Variants in OTOGL observed in about 807,000 individuals in gnomAD.
OTOGL encodes otogelin-like protein.
Under a neutral mutation model 318.5 loss-of-function variants are expected in OTOGL, and 285 were observed. The observed-to-expected ratio is 0.89, with a 90% CI of 0.81 to 0.99. The LOEUF (loss-of-function observed/expected upper bound fraction) is 0.99. OTOGL is among the 50% of genes least tolerant of loss of function. OTOGL has a pLI of 0.00. For synonymous variants in OTOGL, 987 were observed against 936.5 expected, an observed-to-expected ratio of 1.05 and a Z score of -0.99; for missense variants, 2,899 against 2,845.6, an observed-to-expected ratio of 1.02 and a Z score of -0.43.
intron 44 of OTOGL, among the ~76,000 whole-genome samples, chr12:80,349,125 C>T (rs373730713): frequency 8.6e-5 from 13 of 151,568 alleles, no homozygotes; most frequent in East Asian, 3.9e-4. Context: ...CAGATTAAAT[C>T]GTGTGCATCA....
intron 1 of OTOGL, among the ~76,000 whole-genome samples, chr12:80,147,942 T>C (rs896013995): frequency 8.5e-4 from 130 of 152,310 alleles, no homozygotes; most frequent in Non-Finnish European, 1.6e-3. Flanking sequence ...TTTGAGCCTA[T>C]GTGTGTCTCT....
At chr12:80,219,606 C>G (rs868491011) in intron 5 of OTOGL, among the ~76,000 whole-genome samples, 6 of 152,290 alleles carry the variant, frequency 3.9e-5, no homozygotes, top group Middle Eastern at 3.4e-3. Context: ...GATGTGAAAG[C>G]CTGCCTTTCT....
Position 80,237,521 on chromosome 12 carries a change from A to G in OTOGL, c.818-1330A>G, listed in dbSNP as rs146596438. ...AGGAAAGAGTGGTTTTGAAGGAGGAAGAACAAGAGCAAGTGTTCTGAGGTG... is the reference window on the plus strand; with the variant it reads ...AGGAAAGAGTGGTTTTGAAGGAGGAGGAACAAGAGCAAGTGTTCTGAGGTG... On this transcript the variant is annotated intron_variant, in intron 9 of 58. Coordinates refer to ENST00000547103, the MANE Select transcript of OTOGL (RefSeq NM_001378609.3). Among the ~76,000 whole-genome samples, 544 of 152,068 alleles carry G rather than the reference A, an allele frequency of 3.6e-3. 4 individuals carry two copies. The highest frequency in any genetic ancestry group is 0.013 in the African/African-American group (525 of 41,504).
rs1489542589 is a variant in OTOGL, at chr12:80,153,503, C to T, written c.-20+53898C>T. ...TAGCCTCTCTCATTATCAACATCCC[C>T]CACCAGAGTGGCACATTTGTTAAAA... is the stretch of plus-strand genomic sequence containing the variant. On this transcript the variant is annotated intron_variant, in intron 1 of 58. Transcript: ENST00000547103. 3.9e-5 allele frequency among the ~76,000 whole-genome samples: 6 copies of T among 152,178 alleles called. No individual in the cohort carries two copies. The East Asian group carries it at 1.2e-3, about 29-fold the overall frequency.
chr12:80,318,324 G>A (rs1007489598), intron 32 of OTOGL, among the ~76,000 whole-genome samples: 2 of 152,028 alleles, frequency 1.3e-5, no homozygotes, highest in African/African-American at 4.8e-5. Context: ...AACTGATCAC[G>A]TGTATATCAA....
intron 29 of OTOGL, among the ~76,000 whole-genome samples, chr12:80,308,922 G>A (rs892270476): frequency 1.4e-4 from 21 of 152,158 alleles, no homozygotes; most frequent in Admixed American, 5.9e-4. Flanking sequence ...CAGCAGTACC[G>A]TCCAGCTTCG....
At chr12:80,215,991 G>T (rs1592556748) in intron 4 of OTOGL, among the ~76,000 whole-genome samples, 1 of 152,172 alleles carries the variant, frequency 6.6e-6, no homozygotes, top group African/African-American at 2.4e-5. Context: ...AGATTAGAAA[G>T]AAATCTTCAA....
intron 1 of OTOGL, among the ~76,000 whole-genome samples, chr12:80,110,580 A>G (rs1869776823): frequency 6.6e-6 from 1 of 152,140 alleles, no homozygotes; most frequent in Admixed American, 6.5e-5. Flanking sequence ...AAGGACATGA[A>G]TTCATTCTTT....
chr12:80,264,788 C>T (rs1882812063), intron 19 of OTOGL, among the ~76,000 whole-genome samples: 2 of 132,804 alleles, frequency 1.5e-5, no homozygotes, highest in South Asian at 5.5e-4. Flanking sequence ...AGGTACAATA[C>T]ACTATTTTTT....
intron 1 of OTOGL, among the ~76,000 whole-genome samples, chr12:80,187,237 G>A (rs982551807): frequency 5.9e-4 from 89 of 151,684 alleles, no homozygotes; most frequent in African/African-American, 2.0e-3. Context: ...ATTTAGGGAC[G>A]ACTTAGGCAA....
chr12:80,311,035 C>T (rs547062352), intron 30 of OTOGL, among the ~76,000 whole-genome samples: 6 of 152,212 alleles, frequency 3.9e-5, no homozygotes, highest in Non-Finnish European at 7.4e-5. Context: ...GTTTACTTTT[C>T]TTTAGAGAAC....
chr12:80,291,011 A>C lies in OTOGL; in HGVS notation c.2929-5816A>C, dbSNP rs186368821. On this transcript the variant is annotated intron_variant, in intron 26 of 58. Transcript: ENST00000547103. ...CTACTTGTTAGTATTTTCTCCTGTT[A>C]CTCTCATTTTCTTTTTTTAGTAGAG... Among the ~76,000 whole-genome samples the C allele has an allele frequency of 1.7e-3, 265 of 152,096 alleles. 1 individual carries two copies. Among genetic ancestry groups the C allele is most frequent in the African/African-American group, 6.1e-3 (252 of 41,506 alleles).
intron 52 of OTOGL, among the ~76,000 whole-genome samples, chr12:80,364,538 G>T (rs903537057): frequency 8.6e-5 from 13 of 151,926 alleles, no homozygotes; most frequent in African/African-American, 3.1e-4. Flanking sequence ...AATCCAAAAA[G>T]AAACCCTGTA....
intron 1 of OTOGL, among the ~76,000 whole-genome samples, chr12:80,138,032 T>C (rs1300326815): frequency 2.0e-5 from 3 of 152,186 alleles, no homozygotes; most frequent in Non-Finnish European, 4.4e-5. Flanking sequence ...TTATGGTTTA[T>C]AAATAAATCT....
At chr12:80,249,991 C>A (rs903276739) in intron 11 of OTOGL, among the ~76,000 whole-genome samples, 2 of 152,048 alleles carry the variant, frequency 1.3e-5, no homozygotes, top group Non-Finnish European at 2.9e-5. Context: ...CTTGCGCTTC[C>A]CAGGTGAGGC....
At chr12:80,293,535 C>T (rs1342426505) in intron 26 of OTOGL, among the ~76,000 whole-genome samples, 1 of 152,188 alleles carries the variant, frequency 6.6e-6, no homozygotes, top group African/African-American at 2.4e-5. Flanking sequence ...GTAACTTGGA[C>T]AATCTCTGTG....
At chr12:80,108,178 TTAATC>T (rs1869570872) in intron 1 of OTOGL, among the ~76,000 whole-genome samples, 1 of 152,180 alleles carries the variant, frequency 6.6e-6, no homozygotes, top group South Asian at 2.1e-4. Flanking sequence ...CATTTAGTCA[TTAATC>T]TAATTGATTT....
rs1435479127 is a variant in OTOGL at position 80,264,949 on chromosome 12, C to T, written c.2015-52C>T. ...AAGAACGTGAAATGCTTGGATAATT[C>T]TGGGGTAAGATCTGAACTGTTAAAT... On this transcript the variant is annotated intron_variant, in intron 19 of 58. Coordinates refer to ENST00000547103, the MANE Select transcript of OTOGL (RefSeq NM_001378609.3). 5 of 1,542,876 alleles carry T rather than the reference C, an allele frequency of 3.2e-6. No homozygotes were observed. In the East Asian group the frequency reaches 9.0e-5, roughly 28 times the overall value.
chr12:80,149,344 G>A (rs1052547964), intron 1 of OTOGL, among the ~76,000 whole-genome samples: 4 of 151,884 alleles, frequency 2.6e-5, no homozygotes, highest in African/African-American at 9.7e-5. Context: ...CTGCTGGGGG[G>A]TGCCTCCCAG....
Sources: gnomAD v4.1 joint callset for allele counts (sites outside exome capture counted in the v4.1 genomes callset) on GRCh38, gnomAD v4.1.1 for gene constraint, MANE v1.5 for transcripts, NCBI Gene and HGNC (gene_info 2026-07-23, HGNC 2026-07-21) for gene names.